FHIT: variants seen among roughly 807,000 people sequenced by gnomAD.
FHIT encodes fragile histidine triad diadenosine triphosphatase.
In FHIT, 19 loss-of-function variants were observed where a neutral mutation model predicts 17.9. The ratio of observed to expected loss-of-function variants is 1.06; its 90% confidence interval spans 0.74 to 1.56. The LOEUF is 1.56. FHIT is among the 40% of genes most tolerant of loss of function. FHIT has a pLI of 0.00. For missense variants in FHIT, 248 were observed against 189.2 expected, an observed-to-expected ratio of 1.31 and a Z score of -1.82; for synonymous variants, 81 against 69.7, an observed-to-expected ratio of 1.16 and a Z score of -0.81.
intron 2 of FHIT, among the ~76,000 whole-genome samples, chr3:61,186,627 C>A (rs1228472041): frequency 6.6e-6 from 1 of 152,194 alleles, no homozygotes; most frequent in African/African-American, 2.4e-5. Flanking sequence ...ACCCATCCCA[C>A]TCTGGTTAGT....
At position 60,215,323 on chromosome 3, in the gene FHIT, A is replaced by G. The variant is rs375631020; in HGVS notation, c.104-201171T>C. ...TGGCCAATATGGTGAAACTAAAAAT[A>G]CAAAAACTAGCTAGGCATGGTGGTG... On this transcript the variant is annotated intron_variant, in intron 5 of 9. Transcript: ENST00000492590. 5.3e-5 allele frequency among the ~76,000 whole-genome samples: 8 copies of G among 152,218 alleles called. No individual in the cohort carries two copies. The South Asian group carries it at 1.0e-3, about 20-fold the overall frequency.
intron 8 of FHIT, among the ~76,000 whole-genome samples, chr3:59,888,981 C>G (rs903231928): frequency 6.6e-6 from 1 of 152,168 alleles, no homozygotes; most frequent in African/African-American, 2.4e-5. Flanking sequence ...TACAAGAAAC[C>G]TACTCCCATG....
At chr3:59,797,402 G>A (rs1030314370) in intron 8 of FHIT, among the ~76,000 whole-genome samples, 1 of 152,120 alleles carries the variant, frequency 6.6e-6, no homozygotes, top group African/African-American at 2.4e-5. Flanking sequence ...GGCCAGGCTG[G>A]TCTCAAACTC....
Position 61,061,347 on chromosome 3 carries a change from C to T in FHIT, c.-163-19248G>A, listed in dbSNP as rs570699589. On this transcript the variant is annotated intron_variant, in intron 2 of 9. Transcript: ENST00000492590. ...TACAGGTAAGTGCCTCTGTGTTTCT[C>T]ATCTTTATCTATCCAGTCACTTGTC... Among the ~76,000 whole-genome samples, 11 of 152,214 alleles carry T rather than the reference C, an allele frequency of 7.2e-5. No homozygotes were observed. In the South Asian group the frequency reaches 2.3e-3, roughly 32 times the overall value.
intron 5 of FHIT, among the ~76,000 whole-genome samples, chr3:60,144,356 A>G (rs1700152183): frequency 6.6e-6 from 1 of 152,162 alleles, no homozygotes; most frequent in Admixed American, 6.5e-5. Context: ...TTCATTGAAC[A>G]CTCATAATAA....
intron 4 of FHIT, among the ~76,000 whole-genome samples, chr3:60,722,249 G>T (rs1011906933): frequency 6.6e-6 from 1 of 152,100 alleles, no homozygotes; most frequent in Non-Finnish European, 1.5e-5. Context: ...AAGAAGAGGG[G>T]GCCTTCTTCA....
At chr3:59,989,071 G>C (rs1375099811) in intron 7 of FHIT, among the ~76,000 whole-genome samples, 2 of 152,042 alleles carry the variant, frequency 1.3e-5, no homozygotes, top group Non-Finnish European at 2.9e-5. Context: ...AGGCTTTAAA[G>C]AGGTTCTGGG....
At chr3:60,625,788 G>A (rs921461431) in intron 4 of FHIT, among the ~76,000 whole-genome samples, 2 of 152,016 alleles carry the variant, frequency 1.3e-5, no homozygotes, top group African/African-American at 4.8e-5. Flanking sequence ...TCCATATGTT[G>A]TTAAGACATC....
chr3:60,256,318 C>G (rs1021229218), intron 5 of FHIT, among the ~76,000 whole-genome samples: 10 of 152,184 alleles, frequency 6.6e-5, no homozygotes, highest in Non-Finnish European at 1.3e-4. Context: ...TATCATCAAC[C>G]TCAAGCTCCC....
chr3:61,167,836 T>C (rs1170896670), intron 2 of FHIT, among the ~76,000 whole-genome samples: 2 of 152,120 alleles, frequency 1.3e-5, no homozygotes, highest in Admixed American at 6.5e-5. Context: ...ATTTAGTCCA[T>C]AAAACAACTC....
chr3:61,026,722 C>T (rs1343792324), intron 3 of FHIT, among the ~76,000 whole-genome samples: 1 of 152,108 alleles, frequency 6.6e-6, no homozygotes, highest in Non-Finnish European at 1.5e-5. Flanking sequence ...GACAATTCTT[C>T]CAATGTGGCC....
chr3:60,358,500 C>T lies in FHIT; in HGVS notation c.103+178360G>A, dbSNP rs116335252. 3.5e-3 allele frequency among the ~76,000 whole-genome samples: 537 copies of T among 152,244 alleles called. 2 individuals are homozygous for T. The highest frequency in any genetic ancestry group is 0.012 in the African/African-American group (515 of 41,534). On this transcript the variant is annotated intron_variant, in intron 5 of 9. Transcript: ENST00000492590. Reference sequence around the variant, plus strand: ...TCAGGTGTTCCTTATATTCTTAAGACGTAAATCACAATGAATTATGATCAT... The same window carrying T: ...TCAGGTGTTCCTTATATTCTTAAGATGTAAATCACAATGAATTATGATCAT...
At chr3:60,874,915 C>T (rs1035327637) in intron 3 of FHIT, among the ~76,000 whole-genome samples, 6 of 152,068 alleles carry the variant, frequency 3.9e-5, no homozygotes, top group Non-Finnish European at 7.4e-5. Context: ...ACCTTGGAAA[C>T]GTTTACTTAA....
chr3:60,875,705 T>C (rs113570975), intron 3 of FHIT, among the ~76,000 whole-genome samples: 1,765 of 37,532 alleles, frequency 0.047, 34 homozygotes, highest in African/African-American at 0.069. Context: ...AGTTTAAATA[T>C]ATTTTTTTCA....
intron 5 of FHIT, among the ~76,000 whole-genome samples, chr3:60,254,735 C>T (rs1337639357): frequency 6.6e-6 from 1 of 152,106 alleles, no homozygotes; most frequent in East Asian, 1.9e-4. Flanking sequence ...CACTCCCCTA[C>T]CCAAAAATCA....
intron 7 of FHIT, among the ~76,000 whole-genome samples, chr3:59,944,561 C>CA (rs1288709663): frequency 6.6e-6 from 1 of 151,422 alleles, no homozygotes; most frequent in Non-Finnish European, 1.5e-5. Flanking sequence ...AGTTTAAGCG[C>CA]AAGTTTGTTA....
chr3:60,762,555 G>A (rs1386880976), intron 4 of FHIT, among the ~76,000 whole-genome samples: 1 of 152,128 alleles, frequency 6.6e-6, no homozygotes, highest in Non-Finnish European at 1.5e-5. Flanking sequence ...GGCATCTTGG[G>A]GAAAATAAGC....
chr3:61,217,461 G>A (rs1050866523), intron 1 of FHIT, among the ~76,000 whole-genome samples: 8 of 152,222 alleles, frequency 5.3e-5, no homozygotes, highest in African/African-American at 1.9e-4. Flanking sequence ...TGTGGCTTGA[G>A]TCTCCTCACA....
intron 8 of FHIT, among the ~76,000 whole-genome samples, chr3:59,784,886 T>C (rs576299): frequency 1 from 151,929 of 152,276 alleles, 75,792 homozygotes; most frequent in Non-Finnish European, 1. Context: ...AAGAAATACC[T>C]GAGACAGGGT....
Sources: gnomAD v4.1 joint callset for allele counts (sites outside exome capture counted in the v4.1 genomes callset) on GRCh38, gnomAD v4.1.1 for gene constraint, MANE v1.5 for transcripts, NCBI Gene and HGNC (gene_info 2026-07-23, HGNC 2026-07-21) for gene names.